TMTC1: variants seen among roughly 807,000 people sequenced by gnomAD.
TMTC1 encodes the protein transmembrane O-mannosyltransferase targeting cadherins 1.
TMTC1 carries 73 observed loss-of-function variants against 104.8 expected under a neutral mutation model. That is an observed-to-expected ratio of 0.70 (90% CI 0.58 to 0.85). The LOEUF (loss-of-function observed/expected upper bound fraction) is 0.85. TMTC1 is among the 40% of genes least tolerant of loss of function. TMTC1 has a pLI of 0.00. For missense variants in TMTC1, 1,035 were observed against 1,096.1 expected (o/e 0.94, Z 0.79); for synonymous variants, 434 against 428.7 (o/e 1.01, Z -0.15).
intron 14 of TMTC1, 72 bp downstream of exon 14, chr12:29,517,355 G>A (rs112056869): frequency 9.8e-5 from 151 of 1,546,938 alleles, no homozygotes; most frequent in African/African-American, 7.8e-4. Context: ...GTTTTGAGGC[G>A]TGAGGACTAC....
intron 9 of TMTC1, among the ~76,000 whole-genome samples, chr12:29,567,959 A>C: frequency 6.6e-6 from 1 of 152,188 alleles, no homozygotes; most frequent in Non-Finnish European, 1.5e-5. Context: ...TTAGACTCTA[A>C]TGATATGGTG....
intron 5 of TMTC1, among the ~76,000 whole-genome samples, chr12:29,679,534 T>C (rs1940841627): frequency 6.6e-6 from 1 of 152,132 alleles, no homozygotes; most frequent in Non-Finnish European, 1.5e-5. Flanking sequence ...CTTTATGGAA[T>C]GGGCTATTCT....
At chr12:29,744,555 C>G (rs1032342676) in intron 5 of TMTC1, among the ~76,000 whole-genome samples, 1 of 152,216 alleles carries the variant, frequency 6.6e-6, no homozygotes, top group Non-Finnish European at 1.5e-5. Flanking sequence ...GAGCTCAGTT[C>G]AGGAACCAAT....
intron 5 of TMTC1, among the ~76,000 whole-genome samples, chr12:29,702,414 G>A (rs769904922): frequency 3.9e-5 from 6 of 152,188 alleles, no homozygotes; most frequent in Non-Finnish European, 4.4e-5. Flanking sequence ...TCAGTTCCTT[G>A]AGGTGGTTGG....
chr12:29,556,587 C>T (rs758567190), intron 10 of TMTC1, among the ~76,000 whole-genome samples: 15 of 152,172 alleles, frequency 9.9e-5, no homozygotes, highest in Non-Finnish European at 1.2e-4. Context: ...ATTTATCTGA[C>T]CATGTAACAC....
intron 5 of TMTC1, chr12:29,660,776 GTATA>G (rs144268878): frequency 9.4e-3 from 6,474 of 689,032 alleles, no homozygotes; most frequent in East Asian, 0.015. Context: ...TATTTCAAAA[GTATA>G]TATATATATA....
chr12:29,527,578 C>T (rs1944384848), intron 11 of TMTC1, among the ~76,000 whole-genome samples: 1 of 152,174 alleles, frequency 6.6e-6, no homozygotes, highest in Non-Finnish European at 1.5e-5. Context: ...CTATCTGTGG[C>T]TACGTGAGAT....
chr12:29,712,196 A>G (rs1180075333), intron 5 of TMTC1, among the ~76,000 whole-genome samples: 2 of 152,108 alleles, frequency 1.3e-5, no homozygotes, highest in African/African-American at 4.8e-5. Context: ...TTTATCTTAC[A>G]TTATGTTGAA....
rs186533549 is a variant in TMTC1 at position 29,735,416 on chromosome 12, C to T, written c.938+16250G>A. On this transcript the variant is annotated intron_variant, in intron 5 of 17. Coordinates refer to ENST00000539277, the MANE Select transcript of TMTC1 (RefSeq NM_001193451.2). Reference sequence around the variant, plus strand: ...AAGAATGGCACCAAGCACATAGAGTCGTTATAAGGATTAAGTGAGTTAATT... The same window carrying T: ...AAGAATGGCACCAAGCACATAGAGTTGTTATAAGGATTAAGTGAGTTAATT... Among the ~76,000 whole-genome samples, 12 of 152,086 alleles carry T rather than the reference C, an allele frequency of 7.9e-5. 1 individual carries two copies. Among genetic ancestry groups the T allele is most frequent in the African/African-American group, 2.7e-4 (11 of 41,476 alleles).
intron 9 of TMTC1, among the ~76,000 whole-genome samples, chr12:29,570,126 A>G (rs1945626510): frequency 6.6e-6 from 1 of 152,252 alleles, no homozygotes; most frequent in Non-Finnish European, 1.5e-5. Flanking sequence ...AGTTTCAGGC[A>G]AACTTACTGC....
chr12:29,747,025 A>G (rs1396504253), intron 5 of TMTC1, among the ~76,000 whole-genome samples: 1 of 152,202 alleles, frequency 6.6e-6, no homozygotes, highest in Non-Finnish European at 1.5e-5. Context: ...GTAGCAGAGG[A>G]AAGAGGAAAT....
intron 10 of TMTC1, among the ~76,000 whole-genome samples, chr12:29,541,845 G>C (rs1402237627): frequency 6.6e-6 from 1 of 152,028 alleles, no homozygotes; most frequent in Admixed American, 6.6e-5. Flanking sequence ...TTTTAGGAGA[G>C]ACGGTGTTTC....
At chr12:29,574,862 A>G (rs1371799331) in intron 8 of TMTC1, among the ~76,000 whole-genome samples, 1 of 152,202 alleles carries the variant, frequency 6.6e-6, no homozygotes, top group Non-Finnish European at 1.5e-5. Context: ...TTCAGTCCTT[A>G]TCAATCACCA....
intron 11 of TMTC1, among the ~76,000 whole-genome samples, chr12:29,529,046 A>AAT (rs1247440413): frequency 6.6e-6 from 1 of 152,076 alleles, no homozygotes; most frequent in Non-Finnish European, 1.5e-5. Context: ...ATTTGGTTGG[A>AAT]ATATATAAAG....
At chr12:29,590,981 C>A (rs937666668) in intron 7 of TMTC1, among the ~76,000 whole-genome samples, 12 of 152,124 alleles carry the variant, frequency 7.9e-5, no homozygotes, top group African/African-American at 2.9e-4. Flanking sequence ...GTTTGTGGAT[C>A]CCTGCTATAA....
At chr12:29,572,427 T>A (rs766036956) in intron 8 of TMTC1, among the ~76,000 whole-genome samples, 2 of 152,214 alleles carry the variant, frequency 1.3e-5, no homozygotes, top group Non-Finnish European at 1.5e-5. Context: ...GGCAGTATAG[T>A]GTTATGTATA....
chr12:29,689,008 G>GC lies in TMTC1; in HGVS notation c.939-55673dup, dbSNP rs1411935445. The stretch of plus-strand genomic sequence containing the variant: ...GGGATAGAGAAGAACCCTATTTGCA[G>GC]CCCTCAATCCTGTCTTCAACCCTAT... On this transcript the variant is annotated intron_variant, in intron 5 of 17. Transcript: ENST00000539277. 2.0e-5 allele frequency among the ~76,000 whole-genome samples: 3 copies of GC among 152,214 alleles called. No individual in the cohort carries two copies. The East Asian group carries it at 5.8e-4, about 30-fold the overall frequency.
intron 10 of TMTC1, among the ~76,000 whole-genome samples, chr12:29,540,849 G>C (rs1051095563): frequency 2.0e-5 from 3 of 152,144 alleles, no homozygotes; most frequent in Admixed American, 1.3e-4. Flanking sequence ...ACAAAAATTA[G>C]CCAGGCACAG....
intron 6 of TMTC1, among the ~76,000 whole-genome samples, chr12:29,629,532 T>G (rs1938188694): frequency 6.6e-6 from 1 of 152,168 alleles, no homozygotes; most frequent in African/African-American, 2.4e-5. Flanking sequence ...TCCTTCACCT[T>G]GGCAAAATAA....
Sources: allele counts gnomAD v4.1 joint callset (sites outside exome capture counted in the v4.1 genomes callset), GRCh38; gene constraint gnomAD v4.1.1; transcripts MANE v1.5; gene names NCBI Gene and HGNC (gene_info 2026-07-23, HGNC 2026-07-21).